Variants in SEC14L2 observed in about 807,000 individuals in gnomAD.
SEC14L2 encodes SEC14 like lipid binding 2.
In SEC14L2, 50 loss-of-function variants were observed where a neutral mutation model predicts 56.9. That is an observed-to-expected ratio of 0.88 (90% CI 0.70 to 1.11). The LOEUF is 1.11. Among genes scored for constraint, SEC14L2 ranks in the 50% most tolerant of loss-of-function variants. SEC14L2 has a pLI of 0.00. For missense variants in SEC14L2, 414 were observed against 500.7 expected (o/e 0.83, Z 1.65); for synonymous variants, 179 against 188.5 (o/e 0.95, Z 0.41).
chr22:30,397,072 C>T lies in SEC14L2; in HGVS notation c.-45C>T, dbSNP rs777698271. On this transcript the variant is annotated 5_prime_UTR_variant, in exon 1 of 12. Coordinates refer to ENST00000615189, the MANE Select transcript of SEC14L2 (RefSeq NM_012429.5). ...GTCTGTGCTCCATCAGCTGCCGCAC[C>T]CGCCGCCTCCCGCCCCCAAACCCCA... The T allele has an allele frequency of 5.9e-6, 9 of 1,529,010 alleles. No homozygotes were observed. Among genetic ancestry groups the T allele is most frequent in the South Asian group, 1.2e-5 (1 of 83,642 alleles). The allele number at this position is 1,529,010 out of a possible 1,614,324, so 94.7% of individuals were successfully genotyped here.
At chr22:30,411,617 G>A (rs751927949) in intron 8 of SEC14L2, among the ~76,000 whole-genome samples, 1 of 151,726 alleles carries the variant, frequency 6.6e-6, no homozygotes, top group Non-Finnish European at 1.5e-5. Flanking sequence ...GTCGTGGTGT[G>A]CACCTGTAAT....
At chr22:30,402,446 G>A (rs897037894) in intron 2 of SEC14L2, among the ~76,000 whole-genome samples, 6 of 152,152 alleles carry the variant, frequency 3.9e-5, no homozygotes, top group African/African-American at 1.4e-4. Context: ...CCCCCTCACA[G>A]TGGCGGTCAT....
At chr22:30,401,246 G>C (rs912289919) in intron 2 of SEC14L2, among the ~76,000 whole-genome samples, 1 of 151,238 alleles carries the variant, frequency 6.6e-6, no homozygotes, top group Non-Finnish European at 1.5e-5. Context: ...GTCTTGCTCT[G>C]TTGCCCAGGC....
intron 1 of SEC14L2, among the ~76,000 whole-genome samples, chr22:30,398,332 T>G (rs186953312): frequency 7.0e-4 from 107 of 152,204 alleles, no homozygotes; most frequent in African/African-American, 2.5e-3. Context: ...CCTGGTGCAC[T>G]GGGAGCTGCT....
chr22:30,398,247 A>C (rs1933815348), intron 1 of SEC14L2, among the ~76,000 whole-genome samples: 1 of 152,186 alleles, frequency 6.6e-6, no homozygotes, highest in African/African-American at 2.4e-5. Flanking sequence ...GGTGGTGATT[A>C]AACTGGAGAC....
chr22:30,421,772 G>A (rs1393444733), intron 11 of SEC14L2: 2 of 152,526 alleles, frequency 1.3e-5, no homozygotes, highest in African/African-American at 4.8e-5. Context: ...CTCACTGTGT[G>A]TCACCAGAGT....
At chr22:30,398,854 G>C (rs941819343) in intron 1 of SEC14L2, 1 of 462,768 alleles carries the variant, frequency 2.2e-6, no homozygotes, top group Non-Finnish European at 4.5e-6. Context: ...CTAGCTGTTT[G>C]ACCTTGGGCA....
At chr22:30,418,097 T>G (rs1283890701) in intron 11 of SEC14L2, among the ~76,000 whole-genome samples, 6 of 152,160 alleles carry the variant, frequency 3.9e-5, no homozygotes, top group Non-Finnish European at 5.9e-5. Context: ...TCTTTGTTTT[T>G]AGTAGAGACG....
At chr22:30,403,741 C>T (rs866314132) in intron 2 of SEC14L2, among the ~76,000 whole-genome samples, 12 of 152,136 alleles carry the variant, frequency 7.9e-5, no homozygotes, top group African/African-American at 2.9e-4. Context: ...CGGTGGCTCA[C>T]GCCTGTAATC....
chr22:30,412,371 C>CT (rs80102907), intron 8 of SEC14L2, among the ~76,000 whole-genome samples: 16,081 of 147,422 alleles, frequency 0.11, 908 homozygotes, highest in Middle Eastern at 0.21. Flanking sequence ...AAGGGACCCC[C>CT]TTTTTTTTTT....
chr22:30,418,793 G>C (rs1934446007), intron 11 of SEC14L2, among the ~76,000 whole-genome samples: 1 of 152,206 alleles, frequency 6.6e-6, no homozygotes, highest in African/African-American at 2.4e-5. Flanking sequence ...AAGCTCATCT[G>C]CGGGAGGGCA....
chr22:30,397,797 C>A, intron 1 of SEC14L2: 1 of 468,830 alleles, frequency 2.1e-6, no homozygotes, highest in East Asian at 7.0e-5. Flanking sequence ...CTGAGACCAG[C>A]CGTCCCCTAT....
rs922445271 is a variant in SEC14L2, at chr22:30,424,389, C to T, written c.*1982C>T. 6.3e-5 allele frequency: 12 copies of T among 190,724 alleles called. No homozygotes were observed. In the South Asian group the frequency reaches 8.9e-4, roughly 14 times the overall value. The allele number at this position is 190,724 out of a possible 1,614,324, so 11.8% of individuals were successfully genotyped here. On this transcript the variant is annotated 3_prime_UTR_variant, in exon 12 of 12. Coordinates refer to ENST00000615189, the MANE Select transcript of SEC14L2 (RefSeq NM_012429.5). ...CAGCTTGAGGTAACTGCTGACCGGA[C>T]TGTCCTATACAGCCCTACAAGACAG... is the stretch of plus-strand genomic sequence containing the variant.
chr22:30,406,434 C>T (rs776452040), intron 3 of SEC14L2, 49 bp downstream of exon 3: 16 of 1,592,696 alleles, frequency 1.0e-5, no homozygotes, highest in Non-Finnish European at 1.4e-5. Context: ...CAGAATCACT[C>T]CTTGCGTGGA....
intron 8 of SEC14L2, among the ~76,000 whole-genome samples, chr22:30,414,835 G>C (rs1408962420): frequency 3.9e-4 from 60 of 152,054 alleles, no homozygotes; most frequent in Admixed American, 3.9e-3. Flanking sequence ...AAGTGAAATG[G>C]TGGCTGGGGT....
intron 1 of SEC14L2, chr22:30,397,715 T>C: frequency 2.6e-6 from 1 of 378,442 alleles, no homozygotes; most frequent in Non-Finnish European, 5.5e-6. Context: ...GACCAGATGA[T>C]GTTGAAGGGA....
At chr22:30,416,857 G>T in intron 11 of SEC14L2, 1 of 1,059,582 alleles carries the variant, frequency 9.4e-7, no homozygotes, top group Non-Finnish European at 1.1e-6. Context: ...CCAAAGAATG[G>T]ACACAGACTA....
chr22:30,399,288 C>T (rs1933850234), intron 1 of SEC14L2, among the ~76,000 whole-genome samples: 1 of 151,904 alleles, frequency 6.6e-6, no homozygotes, highest in South Asian at 2.1e-4. Context: ...CCGAGATGGG[C>T]GGATCAGGAC....
chr22:30,424,666 C>T lies in SEC14L2; in HGVS notation c.*2259C>T. 2.2e-6 allele frequency: 1 copy of T among 447,844 alleles called. No individual in the cohort carries two copies. 27.7% of individuals were successfully genotyped at this position (447,844 alleles called of 1,614,324 possible). On this transcript the variant is annotated 3_prime_UTR_variant, in exon 12 of 12. Coordinates refer to ENST00000615189, the MANE Select transcript of SEC14L2 (RefSeq NM_012429.5). Reference sequence around the variant, plus strand: ...ATGTTGGCTACTCTCATTTTTTTTGCAGACGTGGGAACTGGGGCTCAGGGA... The same window carrying T: ...ATGTTGGCTACTCTCATTTTTTTTGTAGACGTGGGAACTGGGGCTCAGGGA...
Sources: allele counts gnomAD v4.1 joint callset (sites outside exome capture counted in the v4.1 genomes callset), GRCh38; gene constraint gnomAD v4.1.1; transcripts MANE v1.5; gene names NCBI Gene and HGNC (gene_info 2026-07-23, HGNC 2026-07-21).